AATK: variants seen among roughly 807,000 people sequenced by gnomAD.
The protein encoded by AATK is serine/threonine-protein kinase LMTK1.
Under a neutral mutation model 114.3 loss-of-function variants are expected in AATK, and 91 were observed. That is an observed-to-expected ratio of 0.80 (90% CI 0.67 to 0.95). AATK has a LOEUF of 0.95. Ranked by LOEUF, AATK falls within the 40% of genes least tolerant of loss-of-function variation. The probability of loss-of-function intolerance (pLI) is 0.00; values close to 1 mark genes in which losing one functional copy is unlikely to be tolerated. For synonymous variants in AATK, 1,075 were observed against 916.5 expected (o/e 1.17, Z -3.12); for missense variants, 2,176 against 1,965.2 (o/e 1.11, Z -2.03).
intron 1 of AATK, among the ~76,000 whole-genome samples, chr17:81,163,109 C>A (rs770585983): frequency 1.6e-4 from 24 of 152,194 alleles, no homozygotes; most frequent in Non-Finnish European, 3.2e-4. Flanking sequence ...AACCCCTGCT[C>A]CTAACTGTGC....
chr17:81,140,942 C>T (rs1171512025), intron 1 of AATK, among the ~76,000 whole-genome samples: 9 of 105,868 alleles, frequency 8.5e-5, no homozygotes, highest in African/African-American at 2.7e-4. Context: ...ACCATGGGGC[C>T]GTGAGCCGTG....
chr17:81,128,908 CG>C (rs2060888861), intron 3 of AATK: 1 of 1,139,082 alleles, frequency 8.8e-7, no homozygotes, highest in African/African-American at 1.6e-5. Context: ...GCTGGGGCCA[CG>C]GCACAGAGAG....
Position 81,120,383 on chromosome 17 carries a change from C to G in AATK, c.3553G>C (p.Glu1185Gln). The G allele has an allele frequency of 6.2e-7, 1 of 1,607,608 alleles. No individual in the cohort carries two copies. The highest frequency in any genetic ancestry group is 8.5e-7 in the Non-Finnish European group (1 of 1,177,564). The change falls in exon 11 of 14, where the codon GAG becomes CAG. Residue 1185 changes from glutamate (E) to glutamine (Q), a missense_variant. Physicochemically the swap from Glu to Gln is conservative, Grantham distance 29 (BLOSUM62 2). Coordinates refer to ENST00000326724, the MANE Select transcript of AATK (RefSeq NM_001080395.3). ...LRCYSVQEPSEDSEEEAPAVP... is the reference protein window; with the variant it reads ...LRCYSVQEPSQDSEEEAPAVP... ...GCCGGCGCCTCCTCTTCGCTGTCCT[C>G]GCTAGGCTCCTGGACGCTGTAGCAG...
chr17:81,118,186 A>G lies in AATK; in HGVS notation c.*216T>C, dbSNP rs1193187316. ...GGGCTAGCAGCAAGCCTAAAAGCCC[A>G]GACGAATTCTGCCTCTGGGGCGGAG... On this transcript the variant is annotated 3_prime_UTR_variant, in exon 14 of 14. Coordinates refer to ENST00000326724, the MANE Select transcript of AATK (RefSeq NM_001080395.3). The G allele has an allele frequency of 3.5e-6, 2 of 575,960 alleles. No homozygotes were observed. The highest frequency in any genetic ancestry group is 3.1e-6 in the Non-Finnish European group (1 of 324,486). 35.7% of individuals were successfully genotyped at this position (575,960 alleles called of 1,614,324 possible).
At position 81,120,517 on chromosome 17, in the gene AATK, C is replaced by T. The variant is rs1367395338; in HGVS notation, c.3419G>A (p.Arg1140Lys). ...QKRMGGPGTPRAPLRLALPGL... is the reference protein window; with the variant it reads ...QKRMGGPGTPKAPLRLALPGL... ...GGGCAGAGCCAGGCGGAGTGGGGCT[C>T]TGGGGGTGCCTGGGCCCCCCATCCG... Residue 1140 changes from arginine (R) to lysine (K), a missense_variant, in exon 11 of 14, where the codon AGA (arginine) becomes AAA (lysine). Arg to Lys is a conservative substitution (Grantham distance 26, BLOSUM62 2). Around this residue, in one of 4 missense-constraint regions of AATK, gnomAD observed 1,701 missense variants for 1,394.7 expected, o/e 1.22. Transcript: ENST00000326724. 4 of 1,482,644 alleles carry T rather than the reference C, an allele frequency of 2.7e-6. No individual in the cohort carries two copies. The highest frequency in any genetic ancestry group is 3.6e-6 in the Non-Finnish European group (4 of 1,114,782). 91.8% of individuals were successfully genotyped at this position (1,482,644 alleles called of 1,614,324 possible).
At position 81,120,746 on chromosome 17, in the gene AATK, C is replaced by G. The variant is rs866928119; in HGVS notation, c.3190G>C (p.Gly1064Arg). 6.3e-7 allele frequency: 1 copy of G among 1,577,002 alleles called. No homozygotes were observed. Among genetic ancestry groups the G allele is most frequent in the East Asian group, 2.3e-5 (1 of 43,296 alleles). Residue 1064 changes from glycine (G) to arginine (R), a missense_variant, in exon 11 of 14, where the codon GGG (glycine) becomes CGG (arginine). By Grantham distance (125) the Gly-to-Arg change is moderately radical (BLOSUM62 -2). Coordinates refer to ENST00000326724, the MANE Select transcript of AATK (RefSeq NM_001080395.3). Reference sequence around the variant, plus strand: ...CAGGTGCTGGGCTCTGGGGAGGACCCTTCAAGCTGCAGCAGTGGGGGCAGC... The same window carrying G: ...CAGGTGCTGGGCTCTGGGGAGGACCGTTCAAGCTGCAGCAGTGGGGGCAGC... ...EVLPPLLQLEGSSPEPSTCPS... is the reference protein window; with the variant it reads ...EVLPPLLQLERSSPEPSTCPS...
In AATK at chr17:81,121,971, CG is replaced by C. The variant is rs748280166; in HGVS notation, c.1964del (p.Pro655ArgfsTer4). ...TSPLGSSGAP[P>X]LPLTGEDELE... ...GCTCATCCTCGCCAGTCAGCGGCAGCGGGGGCGCCCCTGAGCTCCCCAAAGG... is the reference window on the plus strand; with the variant it reads ...GCTCATCCTCGCCAGTCAGCGGCAGCGGGGCGCCCCTGAGCTCCCCAAAGG... On this transcript the variant is annotated frameshift_variant, in exon 11 of 14. Transcript: ENST00000326724. LOFTEE classifies it high-confidence loss of function. The C allele has an allele frequency of 3.1e-6, 5 of 1,599,846 alleles. No individual in the cohort carries two copies. The highest frequency in any genetic ancestry group is 1.7e-6 in the Non-Finnish European group (2 of 1,177,198).
Position 81,120,808 on chromosome 17 carries a change from A to G in AATK, c.3128T>C (p.Val1043Ala). Reference protein sequence around the residue: ...PSEQVCLRPGVSGEAQGSGPG... With the variant: ...PSEQVCLRPGASGEAQGSGPG... ...GCCAGAGCCTTGTGCCTCCCCGGAA[A>G]CCCCAGGCCTGAGACAGACCTGCTC... Residue 1043 changes from valine to alanine, a missense_variant, in exon 11 of 14, where the codon GTT becomes GCT. Val to Ala is a moderately conservative substitution (Grantham distance 64). Coordinates refer to ENST00000326724, the MANE Select transcript of AATK (RefSeq NM_001080395.3). 1 of 1,572,044 alleles carries G rather than the reference A, an allele frequency of 6.4e-7. No homozygotes were observed. Among genetic ancestry groups the G allele is most frequent in the South Asian group, 1.2e-5 (1 of 85,848 alleles).
intron 1 of AATK, among the ~76,000 whole-genome samples, chr17:81,137,609 G>C (rs996502417): frequency 1.3e-5 from 2 of 152,140 alleles, no homozygotes; most frequent in Non-Finnish European, 2.9e-5. Context: ...GATGCCAAGG[G>C]CCAGGACTAG....
At chr17:81,141,689 C>T (rs1261332871) in intron 1 of AATK, among the ~76,000 whole-genome samples, 1 of 152,140 alleles carries the variant, frequency 6.6e-6, no homozygotes, top group East Asian at 1.9e-4. Flanking sequence ...CCCCAGAGGG[C>T]CGCCATCAGT....
chr17:81,161,939 C>T (rs956848405), intron 1 of AATK, among the ~76,000 whole-genome samples: 3 of 152,142 alleles, frequency 2.0e-5, no homozygotes, highest in African/African-American at 7.2e-5. Flanking sequence ...CACAGGGTGG[C>T]CACTGCAGGG....
chr17:81,165,909 G>A, intron 1 of AATK, 29 bp downstream of exon 1: 2 of 1,565,646 alleles, frequency 1.3e-6, no homozygotes, highest in Non-Finnish European at 8.6e-7. Context: ...GGAGGCAGCG[G>A]CGCGCAGGCC....
chr17:81,154,315 C>T lies in AATK; in HGVS notation c.55+11623G>A, dbSNP rs1000291254. On this transcript the variant is annotated intron_variant, in intron 1 of 13. Coordinates refer to ENST00000326724, the MANE Select transcript of AATK (RefSeq NM_001080395.3). ...CAATTTTCTTTTTTCTTAGTTTTTT[C>T]TTTCTTTTTTTTTTTTTTTTTTTGA... is the stretch of plus-strand genomic sequence containing the variant. 5.9e-4 allele frequency among the ~76,000 whole-genome samples: 71 copies of T among 120,696 alleles called. 1 individual carries two copies. The East Asian group carries it at 0.016, about 28-fold the overall frequency. The allele number at this position is 120,696 out of a possible 152,430, so 79.2% of individuals were successfully genotyped here.
chr17:81,158,104 C>T (rs188806692), intron 1 of AATK, among the ~76,000 whole-genome samples: 222 of 152,342 alleles, frequency 1.5e-3, no homozygotes, highest in African/African-American at 5.0e-3. Flanking sequence ...GGATGCATGC[C>T]GGCCACGGGT....
chr17:81,120,837 CG>C lies in AATK; in HGVS notation c.3098del (p.Pro1033ArgfsTer71), dbSNP rs1568218647. 6.3e-7 allele frequency: 1 copy of C among 1,578,854 alleles called. No individual in the cohort carries two copies. On this transcript the variant is annotated frameshift_variant, in exon 11 of 14. Coordinates refer to ENST00000326724, the MANE Select transcript of AATK (RefSeq NM_001080395.3). LOFTEE classifies it high-confidence loss of function. ...PELGLPSTGQ[P>X]SEQVCLRPGV... The stretch of plus-strand genomic sequence containing the variant: ...CAGGCCTGAGACAGACCTGCTCAGA[CG>C]GCTGCCCAGTGCTCGGCAGGCCCAG...
At chr17:81,161,168 G>A (rs543640812) in intron 1 of AATK, among the ~76,000 whole-genome samples, 8 of 152,316 alleles carry the variant, frequency 5.3e-5, no homozygotes, top group African/African-American at 9.6e-5. Flanking sequence ...TGGCCCAGAC[G>A]GCAAGGAATG....
At chr17:81,143,093 G>A (rs761489402) in intron 1 of AATK, among the ~76,000 whole-genome samples, 1 of 152,216 alleles carries the variant, frequency 6.6e-6, no homozygotes, top group Non-Finnish European at 1.5e-5. Flanking sequence ...CAGCGTTGCC[G>A]GCACACGGCC....
chr17:81,161,155 T>C (rs1205189286), intron 1 of AATK, among the ~76,000 whole-genome samples: 1 of 152,190 alleles, frequency 6.6e-6, no homozygotes, highest in East Asian at 1.9e-4. Context: ...GACCACGGGC[T>C]GCTGGCCCAG....
intron 13 of AATK, among the ~76,000 whole-genome samples, 171 bp downstream of exon 13, chr17:81,119,209 G>GTA (rs2060640365): frequency 1.4e-5 from 2 of 144,658 alleles, no homozygotes; most frequent in South Asian, 2.3e-4. Flanking sequence ...GCGAGGGCCA[G>GTA]GCGGGGTCCA....
Sources: allele counts gnomAD v4.1 joint callset (sites outside exome capture counted in the v4.1 genomes callset), GRCh38; gene constraint gnomAD v4.1.1; regional missense constraint gnomAD v4.1.1; transcripts MANE v1.5; gene names NCBI Gene and HGNC (gene_info 2026-07-23, HGNC 2026-07-21).